The following ST6GALNAC3 variants were observed in gnomAD, a reference collection of about 807,000 sequenced individuals.
ST6GALNAC3 encodes the protein ST6 N-acetylgalactosaminide alpha-2,6-sialyltransferase 3, also known as alpha-N-acetylgalactosaminide alpha-2,6-sialyltransferase 3.
Under a neutral mutation model 32.7 loss-of-function variants are expected in ST6GALNAC3, and 25 were observed. The observed-to-expected ratio is 0.76, with a 90% CI of 0.56 to 1.07. The LOEUF is 1.07. Among genes scored for constraint, ST6GALNAC3 ranks in the 50% least tolerant of loss-of-function variants. The pLI, the probability that ST6GALNAC3 is intolerant of heterozygous loss-of-function variation, is 0.00. For missense variants in ST6GALNAC3, 355 were observed against 382.4 expected, an observed-to-expected ratio of 0.93 and a Z score of 0.60; for synonymous variants, 129 against 133.1, an observed-to-expected ratio of 0.97 and a Z score of 0.21.
intron 1 of ST6GALNAC3, among the ~76,000 whole-genome samples, chr1:76,277,611 T>TATATATAC (rs762227546): frequency 2.0e-5 from 1 of 51,164 alleles, no homozygotes; most frequent in South Asian, 5.9e-4. Context: ...TATATATATA[T>TATATATAC]ACACACACAC....
chr1:76,217,729 C>T (rs971055799), intron 1 of ST6GALNAC3, among the ~76,000 whole-genome samples: 11 of 152,194 alleles, frequency 7.2e-5, no homozygotes, highest in Non-Finnish European at 1.5e-4. Context: ...TTTGCGTCCT[C>T]ATAGCTTAGC....
At chr1:76,347,746 TCTTG>T (rs1648640647) in intron 2 of ST6GALNAC3, among the ~76,000 whole-genome samples, 1 of 152,150 alleles carries the variant, frequency 6.6e-6, no homozygotes, top group Non-Finnish European at 1.5e-5. Context: ...GGGTTCAAGC[TCTTG>T]CTCTATCTAT....
At chr1:76,396,951 T>C (rs1167639502) in intron 2 of ST6GALNAC3, among the ~76,000 whole-genome samples, 1 of 152,210 alleles carries the variant, frequency 6.6e-6, no homozygotes, top group Non-Finnish European at 1.5e-5. Flanking sequence ...TACTATGCTT[T>C]ACACAGTTAT....
chr1:76,373,798 T>G (rs1215772581), intron 2 of ST6GALNAC3, among the ~76,000 whole-genome samples: 1 of 152,216 alleles, frequency 6.6e-6, no homozygotes, highest in African/African-American at 2.4e-5. Flanking sequence ...GAAATAAATG[T>G]TAGGTTTCAC....
chr1:76,551,291 G>A (rs893224496), intron 3 of ST6GALNAC3, among the ~76,000 whole-genome samples: 4 of 152,132 alleles, frequency 2.6e-5, no homozygotes, highest in African/African-American at 4.8e-5. Context: ...AAACACAAAT[G>A]TCATTGCATT....
At chr1:76,508,155 T>A (rs1661594466) in intron 3 of ST6GALNAC3, among the ~76,000 whole-genome samples, 1 of 152,034 alleles carries the variant, frequency 6.6e-6, no homozygotes. Context: ...GGAAGAAAAA[T>A]TTTCCATGAG....
intron 3 of ST6GALNAC3, among the ~76,000 whole-genome samples, chr1:76,565,090 G>T (rs1361105943): frequency 6.6e-6 from 1 of 152,092 alleles, no homozygotes; most frequent in African/African-American, 2.4e-5. Context: ...CTCTCAGTCC[G>T]GTGTCCAACG....
chr1:76,221,338 G>C (rs1655757562), intron 1 of ST6GALNAC3, among the ~76,000 whole-genome samples: 3 of 152,168 alleles, frequency 2.0e-5, no homozygotes, highest in Admixed American at 2.0e-4. Flanking sequence ...AGGGTCCACA[G>C]GGTCTGGGTT....
intron 3 of ST6GALNAC3, among the ~76,000 whole-genome samples, chr1:76,555,031 A>G (rs554576304): frequency 1.3e-5 from 2 of 152,292 alleles, no homozygotes; most frequent in East Asian, 3.9e-4. Flanking sequence ...TTTCTTCTGT[A>G]AAATGGAAAC....
chr1:76,120,526 A>G (rs967227609), intron 1 of ST6GALNAC3, among the ~76,000 whole-genome samples: 1 of 152,222 alleles, frequency 6.6e-6, no homozygotes, highest in Non-Finnish European at 1.5e-5. Flanking sequence ...GATCCTTGAT[A>G]GATAAAGAAG....
At chr1:76,176,338 A>G (rs1652851003) in intron 1 of ST6GALNAC3, among the ~76,000 whole-genome samples, 1 of 152,192 alleles carries the variant, frequency 6.6e-6, no homozygotes, top group African/African-American at 2.4e-5. Flanking sequence ...TTTGACTTAC[A>G]GCCTGCTCAT....
intron 1 of ST6GALNAC3, among the ~76,000 whole-genome samples, chr1:76,145,436 G>A (rs940151376): frequency 6.6e-6 from 1 of 152,146 alleles, no homozygotes; most frequent in African/African-American, 2.4e-5. Context: ...TGTTGGACAC[G>A]TGGAGTCTCA....
intron 3 of ST6GALNAC3, among the ~76,000 whole-genome samples, chr1:76,468,996 T>C (rs565710211): frequency 3.2e-4 from 49 of 152,156 alleles, no homozygotes; most frequent in Non-Finnish European, 6.0e-4. Flanking sequence ...TCTCCCTTGG[T>C]GGTTTAAAAG....
chr1:76,367,517 G>A lies in ST6GALNAC3; in HGVS notation c.214-44491G>A, dbSNP rs570731251. ...GGAGAAGATTCCAAGTAGAAGCATTGTACTAAATTTTGAGTGGGGCAAAAG... is the reference window on the plus strand; with the variant it reads ...GGAGAAGATTCCAAGTAGAAGCATTATACTAAATTTTGAGTGGGGCAAAAG... On this transcript the variant is annotated intron_variant, in intron 2 of 4. Coordinates refer to ENST00000328299, the MANE Select transcript of ST6GALNAC3 (RefSeq NM_152996.4). 2.0e-5 allele frequency among the ~76,000 whole-genome samples: 3 copies of A among 152,160 alleles called. No homozygotes were observed. In the South Asian group the frequency reaches 6.2e-4, roughly 32 times the overall value.
intron 3 of ST6GALNAC3, among the ~76,000 whole-genome samples, chr1:76,624,580 T>C (rs1325268316): frequency 6.6e-6 from 1 of 151,900 alleles, no homozygotes; most frequent in African/African-American, 2.4e-5. Flanking sequence ...ATCTTTGTCT[T>C]TGATAATTAG....
chr1:76,633,156 AC>A lies in ST6GALNAC3; in HGVS notation c.*4351del, dbSNP rs775435057. 14 of 152,164 alleles carry A rather than the reference AC, an allele frequency of 9.2e-5. No homozygotes were observed. Among genetic ancestry groups the A allele is most frequent in the South Asian group, 8.3e-4 (4 of 4,824 alleles). 9.4% of individuals were successfully genotyped at this position (152,164 alleles called of 1,614,324 possible). A position where few individuals can be genotyped will look rare whatever the true frequency, so the allele number is the denominator to read the frequency against. On this transcript the variant is annotated 3_prime_UTR_variant, in exon 5 of 5. Coordinates refer to ENST00000328299, the MANE Select transcript of ST6GALNAC3 (RefSeq NM_152996.4). ...TGACTTGCCTGTAGTTATAAACTGG[AC>A]TAATGGCAGTACTGAGACTCAAATT...
chr1:76,484,019 A>T (rs1659924003), intron 3 of ST6GALNAC3, among the ~76,000 whole-genome samples: 1 of 152,086 alleles, frequency 6.6e-6, no homozygotes, highest in African/African-American at 2.4e-5. Context: ...TTTGTCAAAG[A>T]TCAGATGGTT....
At chr1:76,370,927 A>T (rs766376080) in intron 2 of ST6GALNAC3, among the ~76,000 whole-genome samples, 1 of 151,828 alleles carries the variant, frequency 6.6e-6, no homozygotes, top group Non-Finnish European at 1.5e-5. Flanking sequence ...GACCCTTTTT[A>T]TATTGCTTCT....
rs77175733 is a variant in ST6GALNAC3 at position 76,090,809 on chromosome 1, T to A, written c.18+15925T>A. ...GGGGCTGGTGGGACATTAGGTAGAC[T>A]AAGGGTTTGGACTTGACCTTGTAGG... is the stretch of plus-strand genomic sequence containing the variant. On this transcript the variant is annotated intron_variant, in intron 1 of 4. Transcript: ENST00000328299. Among the ~76,000 whole-genome samples, 352 of 152,336 alleles carry A rather than the reference T, an allele frequency of 2.3e-3. 3 individuals are homozygous for A. Among genetic ancestry groups the A allele is most frequent in the African/African-American group, 8.2e-3 (341 of 41,580 alleles).
Sources: gnomAD v4.1 joint callset for allele counts (sites outside exome capture counted in the v4.1 genomes callset) on GRCh38, gnomAD v4.1.1 for gene constraint, MANE v1.5 for transcripts, NCBI Gene and HGNC (gene_info 2026-07-23, HGNC 2026-07-21) for gene names.